TRMT11: variants seen among roughly 807,000 people sequenced by gnomAD.
TRMT11 encodes tRNA (guanine(10)-N(2))-methyltransferase TRMT11.
Under a neutral mutation model 62.8 loss-of-function variants are expected in TRMT11, and 53 were observed. That is an observed-to-expected ratio of 0.84 (90% CI 0.68 to 1.06). The LOEUF (loss-of-function observed/expected upper bound fraction) is 1.06, where lower values mean the gene tolerates loss of function less well. TRMT11 is among the 50% of genes least tolerant of loss of function. TRMT11 has a pLI of 0.00. For synonymous variants in TRMT11, 188 were observed against 190.3 expected, an observed-to-expected ratio of 0.99 and a Z score of 0.10; for missense variants, 556 against 553.4, an observed-to-expected ratio of 1.00 and a Z score of -0.05.
intron 12 of TRMT11, among the ~76,000 whole-genome samples, chr6:126,037,081 T>G (rs1391894810): frequency 6.6e-6 from 1 of 152,058 alleles, no homozygotes; most frequent in Non-Finnish European, 1.5e-5. Context: ...ATGGCCTTAG[T>G]CCATCACCTA....
intron 12 of TRMT11, among the ~76,000 whole-genome samples, chr6:126,024,862 T>C (rs1246495604): frequency 6.6e-6 from 1 of 152,240 alleles, no homozygotes; most frequent in Non-Finnish European, 1.5e-5. Context: ...GATGGTAACA[T>C]TACAGCTCTT....
chr6:126,080,041 T>C (rs1027377409), intron 17 of TRMT11, among the ~76,000 whole-genome samples: 1 of 152,160 alleles, frequency 6.6e-6, no homozygotes, highest in African/African-American at 2.4e-5. Context: ...TCTGCTAGTG[T>C]ATTTTTTTAT....
At chr6:126,019,641 C>T (rs75453211) in intron 11 of TRMT11, among the ~76,000 whole-genome samples, 12 of 152,248 alleles carry the variant, frequency 7.9e-5, no homozygotes, top group South Asian at 2.1e-4. Flanking sequence ...ATAGATCCTA[C>T]GGTTTGCAAG....
rs1398410720 is a variant in TRMT11 at position 126,011,020 on chromosome 6, G to A, written c.761-233G>A. Among the ~76,000 whole-genome samples the A allele has an allele frequency of 2.0e-5, 3 of 152,060 alleles. No homozygotes were observed. In the East Asian group the frequency reaches 5.8e-4, roughly 29 times the overall value. On this transcript the variant is annotated intron_variant, in intron 8 of 12. Transcript: ENST00000334379. ...TGAAAATATCGAATGAGTGTTTTAA[G>A]GCAGTTTTACTTGGAAGTTGACAGA...
At chr6:126,002,954 G>A (rs1406709116) in intron 7 of TRMT11, among the ~76,000 whole-genome samples, 1 of 151,920 alleles carries the variant, frequency 6.6e-6, no homozygotes, top group African/African-American at 2.4e-5. Context: ...TTCACTTAAT[G>A]GTATTTCCTG....
chr6:126,005,710 T>C (rs1166645844), intron 7 of TRMT11, among the ~76,000 whole-genome samples: 2 of 152,046 alleles, frequency 1.3e-5, no homozygotes, highest in African/African-American at 2.4e-5. Flanking sequence ...TGGCAGGTTA[T>C]AGCAGCAGGC....
At chr6:126,118,242 A>G (rs1473457546) in intron 21 of TRMT11, among the ~76,000 whole-genome samples, 1 of 152,110 alleles carries the variant, frequency 6.6e-6, no homozygotes, top group Non-Finnish European at 1.5e-5. Context: ...TAGTGCCCAC[A>G]AAACCAGCAG....
intron 21 of TRMT11, among the ~76,000 whole-genome samples, chr6:126,168,756 A>T (rs1316806983): frequency 6.6e-6 from 1 of 152,158 alleles, no homozygotes; most frequent in Admixed American, 6.5e-5. Flanking sequence ...TGACCTTGTG[A>T]TCTGCCAGCC....
downstream of TRMT11, among the ~76,000 whole-genome samples, chr6:126,203,679 A>C (rs1333301857): frequency 2.0e-5 from 3 of 152,182 alleles, no homozygotes; most frequent in Non-Finnish European, 4.4e-5. Flanking sequence ...TTATAATGTT[A>C]TTTGTGATAG....
At chr6:126,110,390 T>C (rs2128187110) in intron 17 of TRMT11, among the ~76,000 whole-genome samples, 1 of 152,224 alleles carries the variant, frequency 6.6e-6, no homozygotes, top group Non-Finnish European at 1.5e-5. Flanking sequence ...ATGAAGAGAA[T>C]CAGAATGCTC....
At chr6:126,060,246 A>G (rs960778124) in intron 17 of TRMT11, among the ~76,000 whole-genome samples, 1 of 152,202 alleles carries the variant, frequency 6.6e-6, no homozygotes, top group African/African-American at 2.4e-5. Context: ...GACTTTTTCA[A>G]TTCAGAATTT....
In TRMT11 at chr6:126,093,620, TA is replaced by T. The variant is rs1342164120; in HGVS notation, c.*1438-19245del. Among the ~76,000 whole-genome samples, 772 of 96,050 alleles carry T rather than the reference TA, an allele frequency of 8.0e-3. 74 individuals are homozygous for T. Among genetic ancestry groups the T allele is most frequent in the African/African-American group, 0.047 (733 of 15,654 alleles). The allele number at this position is 96,050 out of a possible 152,430, so 63.0% of individuals were successfully genotyped here. A position where few individuals can be genotyped will look rare whatever the true frequency, so the allele number is the denominator to read the frequency against. On this transcript the variant is annotated intron_variant and NMD_transcript_variant, in intron 17 of 22. Coordinates refer to the TRMT11 transcript ENST00000648977. ...ATATATATATATATATATATATATATATATATATATATTTTCCCCCAGTCCT... is the reference window on the plus strand; with the variant it reads ...ATATATATATATATATATATATATATTATATATATATTTTCCCCCAGTCCT...
intron 17 of TRMT11, among the ~76,000 whole-genome samples, chr6:126,103,065 C>A (rs1009106498): frequency 1.3e-5 from 2 of 152,176 alleles, no homozygotes; most frequent in African/African-American, 4.8e-5. Context: ...CCAAAGCAGG[C>A]TCTATTTATC....
At chr6:126,151,826 C>CTTTG (rs1434429889) in intron 21 of TRMT11, among the ~76,000 whole-genome samples, 2 of 76,140 alleles carry the variant, frequency 2.6e-5, no homozygotes, top group African/African-American at 1.3e-4. Context: ...TTCTTTCTTT[C>CTTTG]TTTCTTTCTT....
At position 125,993,838 on chromosome 6, in the gene TRMT11, A is replaced by G. The variant is rs951700031; in HGVS notation, c.138+16A>G. ...TTATGGAAAGGTAAGTTAAATTTTC[A>G]TTAGACCATATGGAGTATACTTAGA... is the stretch of plus-strand genomic sequence containing the variant. On this transcript the variant is annotated intron_variant, in intron 2 of 12. Coordinates refer to ENST00000334379, the MANE Select transcript of TRMT11 (RefSeq NM_001031712.3). The G allele has an allele frequency of 3.3e-6, 5 of 1,534,016 alleles. No homozygotes were observed. The African/African-American group carries it at 4.1e-5, about 13-fold the overall frequency.
chr6:126,009,583 T>C (rs948200168), intron 8 of TRMT11: 1 of 152,032 alleles, frequency 6.6e-6, no homozygotes, highest in African/African-American at 2.4e-5. Context: ...TTATTATACT[T>C]TATTTTCTTT....
chr6:126,114,169 C>T (rs1777563118), intron 18 of TRMT11, among the ~76,000 whole-genome samples: 1 of 152,080 alleles, frequency 6.6e-6, no homozygotes, highest in Non-Finnish European at 1.5e-5. Context: ...GACACAAACA[C>T]AGATGTATGT....
At chr6:126,107,847 C>G (rs1157414405) in intron 17 of TRMT11, among the ~76,000 whole-genome samples, 2 of 152,136 alleles carry the variant, frequency 1.3e-5, no homozygotes, top group Admixed American at 6.5e-5. Flanking sequence ...CAAATGAAGT[C>G]TGTCGCGTGA....
the TRMT11 span, among the ~76,000 whole-genome samples, chr6:126,263,747 A>C: frequency 6.6e-6 from 1 of 152,188 alleles, no homozygotes; most frequent in Admixed American, 6.5e-5. Flanking sequence ...GTTTGCTTCC[A>C]GCTGGAACCC....
Sources: gnomAD v4.1 joint callset for allele counts (sites outside exome capture counted in the v4.1 genomes callset) on GRCh38, gnomAD v4.1.1 for gene constraint, MANE v1.5 for transcripts, NCBI Gene and HGNC (gene_info 2026-07-23, HGNC 2026-07-21) for gene names.